IGSF9B: variants seen among roughly 807,000 people sequenced by gnomAD.
IGSF9B encodes protein turtle homolog B.
IGSF9B carries 48 observed loss-of-function variants against 143.7 expected under a neutral mutation model. That is an observed-to-expected ratio of 0.33 (90% CI 0.26 to 0.42). The LOEUF is 0.42. Among genes scored for constraint, IGSF9B ranks in the 20% least tolerant of loss-of-function variants. IGSF9B has a pLI of 1.00. For missense variants in IGSF9B, 1,706 were observed against 1,980.0 expected (o/e 0.86, Z 2.63); for synonymous variants, 903 against 833.1 (o/e 1.08, Z -1.44).
At chr11:133,922,412 A>AC (rs1473528680) in intron 16 of IGSF9B, among the ~76,000 whole-genome samples, 157 bp downstream of exon 16, 1 of 151,986 alleles carries the variant, frequency 6.6e-6, no homozygotes, top group Non-Finnish European at 1.5e-5. Context: ...CCTGCTTCTT[A>AC]CCCCCACTTT....
chr11:133,931,959 C>A lies in IGSF9B; in HGVS notation c.1110+112G>T. Reference sequence around the variant, plus strand: ...CTACAGAAGCAGCTCTCTGTTTGCCCAGGGCTTTTGGAAGGGGCCAGGAGT... The same window carrying A: ...CTACAGAAGCAGCTCTCTGTTTGCCAAGGGCTTTTGGAAGGGGCCAGGAGT... On this transcript the variant is annotated intron_variant, in intron 8 of 19. Coordinates refer to ENST00000533871, the MANE Select transcript of IGSF9B (RefSeq NM_001277285.4). This position sits in a 1 kb window ranked among gnomAD's most constrained non-coding sequence, Gnocchi z 7.7. 1 of 1,504,184 alleles carries A rather than the reference C, an allele frequency of 6.6e-7. No individual in the cohort carries two copies. The highest frequency in any genetic ancestry group is 8.9e-7 in the Non-Finnish European group (1 of 1,119,900). 93.2% of individuals were successfully genotyped at this position (1,504,184 alleles called of 1,614,324 possible).
In IGSF9B at chr11:133,920,126, C is replaced by T; in HGVS notation, c.3599G>A (p.Arg1200Gln). The stretch of plus-strand genomic sequence containing the variant: ...GGGGCTTTGGGTCAGAGGTGAGAGC[C>T]GGGAGGGCTGTAGCACCACTTGATG... ...SLHQVVLQPSRLSPLTQSPLS... is the reference protein window; with the variant it reads ...SLHQVVLQPSQLSPLTQSPLS... The change falls in exon 18 of 20, where the codon CGG (arginine) becomes CAG (glutamine). Residue 1200 changes from arginine to glutamine, a missense_variant. Transcript: ENST00000533871. The T allele has an allele frequency of 6.6e-7, 1 of 1,510,712 alleles. No individual in the cohort carries two copies. Among genetic ancestry groups the T allele is most frequent in the Non-Finnish European group, 8.9e-7 (1 of 1,129,186 alleles). The allele number at this position is 1,510,712 out of a possible 1,614,324, so 93.6% of individuals were successfully genotyped here. A position where few individuals can be genotyped will look rare whatever the true frequency, so the allele number is the denominator to read the frequency against.
intron 18 of IGSF9B, among the ~76,000 whole-genome samples, chr11:133,915,785 C>T (rs1010631986): frequency 1.3e-5 from 2 of 152,230 alleles, no homozygotes; most frequent in African/African-American, 4.8e-5. Context: ...CAGGCTGAAG[C>T]AGTGGCTTGA....
In IGSF9B at chr11:133,906,173, G is replaced by A. The variant is rs1939208186; in HGVS notation, c.*2896C>T. Among the ~76,000 whole-genome samples the A allele has an allele frequency of 6.6e-6, 1 of 152,218 alleles. No homozygotes were observed. On this transcript the variant is annotated 3_prime_UTR_variant, in exon 20 of 20. Coordinates refer to ENST00000533871, the MANE Select transcript of IGSF9B (RefSeq NM_001277285.4). The stretch of plus-strand genomic sequence containing the variant: ...TCAGTAGTCACTGCCATTGTTCAAA[G>A]GCAGACTATGAAGGACACTGGTCCC...
rs1346596537 is a variant in IGSF9B at position 133,909,629 on chromosome 11, C to T, written c.4106-352G>A. Among the ~76,000 whole-genome samples, 1 of 152,192 alleles carries T rather than the reference C, an allele frequency of 6.6e-6. No individual in the cohort carries two copies. The highest frequency in any genetic ancestry group is 1.5e-5 in the Non-Finnish European group (1 of 68,040). ...GGACTGGGGATCAGGAAGGAACAGG[C>T]TGGGACTCAGGACATCTTTCTCATC... On this transcript the variant is annotated intron_variant, in intron 19 of 19. Coordinates refer to ENST00000533871, the MANE Select transcript of IGSF9B (RefSeq NM_001277285.4). This position sits in a 1 kb window ranked among gnomAD's most constrained non-coding sequence, Gnocchi z 4.2.
chr11:133,952,472 G>A lies in IGSF9B; in HGVS notation c.64+4219C>T, dbSNP rs551799099. On this transcript the variant is annotated intron_variant, in intron 1 of 19. Coordinates refer to ENST00000533871, the MANE Select transcript of IGSF9B (RefSeq NM_001277285.4). ...CTCTCTGCTCTCAGGGCTGCAGCAC[G>A]GAGAGGAGTGGCCCCCACCTCGTGT... Among the ~76,000 whole-genome samples the A allele has an allele frequency of 1.4e-4, 21 of 152,292 alleles. No individual in the cohort carries two copies. The South Asian group carries it at 1.5e-3, about 11-fold the overall frequency.
Position 133,903,059 on chromosome 11 carries a change from C to T in IGSF9B, c.*6010G>A, listed in dbSNP as rs1052742366. On this transcript the variant is annotated 3_prime_UTR_variant, in exon 20 of 20. Coordinates refer to ENST00000533871, the MANE Select transcript of IGSF9B (RefSeq NM_001277285.4). ...CCTGCCCCTCCCACCACCTCCCCAT[C>T]GTAAACCACGCACATGTTCACGATC... Among the ~76,000 whole-genome samples the T allele has an allele frequency of 1.3e-5, 2 of 151,712 alleles. No individual in the cohort carries two copies. The highest frequency in any genetic ancestry group is 2.4e-5 in the African/African-American group (1 of 41,284).
At chr11:133,939,827 A>G (rs1341940275) in intron 3 of IGSF9B, among the ~76,000 whole-genome samples, 1 of 151,294 alleles carries the variant, frequency 6.6e-6, no homozygotes, top group African/African-American at 2.4e-5. Flanking sequence ...TACACCTTGC[A>G]TGTCCTCGCA....
intron 5 of IGSF9B, among the ~76,000 whole-genome samples, chr11:133,936,400 C>T (rs894623819): frequency 2.0e-5 from 3 of 152,146 alleles, no homozygotes; most frequent in Non-Finnish European, 4.4e-5. Context: ...CCAGACCAGC[C>T]GCCACGCACA....
intron 19 of IGSF9B, among the ~76,000 whole-genome samples, chr11:133,910,209 A>G (rs1939279294): frequency 6.6e-6 from 1 of 152,118 alleles, no homozygotes; most frequent in Non-Finnish European, 1.5e-5. Flanking sequence ...GTGTATGTGC[A>G]CACACGCCTG....
chr11:133,927,942 G>A (rs962195451), intron 12 of IGSF9B, among the ~76,000 whole-genome samples: 3 of 152,290 alleles, frequency 2.0e-5, no homozygotes, highest in Admixed American at 1.3e-4. Flanking sequence ...AAAAGAAGCC[G>A]GCGCCAAACG....
rs373895799 is a variant in IGSF9B, at chr11:133,921,288, G to T, written c.2437C>A (p.Arg813Ser). 6.2e-7 allele frequency: 1 copy of T among 1,610,820 alleles called. No homozygotes were observed. The highest frequency in any genetic ancestry group is 8.5e-7 in the Non-Finnish European group (1 of 1,178,678). Residue 813 changes from arginine (R) to serine (S), a missense_variant, in exon 18 of 20, where the codon CGT becomes AGT. Arg to Ser is a moderately radical substitution (Grantham distance 110, BLOSUM62 -1). Around this residue, in one of 7 missense-constraint regions of IGSF9B, gnomAD observed 135 missense variants for 181.3 expected, o/e 0.74. Coordinates refer to ENST00000533871, the MANE Select transcript of IGSF9B (RefSeq NM_001277285.4). Reference sequence around the variant, plus strand: ...TTGTACAGCGACAGCTCCTTCTCACGGGTGGGGCTCAGCATCCTCTTGGCC... The same window carrying T: ...TTGTACAGCGACAGCTCCTTCTCACTGGTGGGGCTCAGCATCCTCTTGGCC... ...PAAKRMLSPT[R>S]EKELSLYKKT... is the part of the protein sequence containing the mutation.
Position 133,920,021 on chromosome 11 carries a change from G to A in IGSF9B, c.3704C>T (p.Ser1235Leu), listed in dbSNP as rs1183817278. Residue 1235 changes from serine (S) to leucine (L), a missense_variant, in exon 18 of 20, where the codon TCA becomes TTA. By Grantham distance (145) the Ser-to-Leu change is moderately radical. Coordinates refer to ENST00000533871, the MANE Select transcript of IGSF9B (RefSeq NM_001277285.4). ...AGCCGGCGGCTGCAGGGTGATCTCT[G>A]ACATCTCTGCCTGCTGCAGGAGGCC... ...RPGLLQQAEM[S>L]EITLQPPAAV... The A allele has an allele frequency of 1.3e-6, 2 of 1,584,650 alleles. No homozygotes were observed. Among genetic ancestry groups the A allele is most frequent in the Non-Finnish European group, 1.7e-6 (2 of 1,165,492 alleles).
chr11:133,935,816 C>T, intron 6 of IGSF9B, 54 bp from the exon 7 acceptor site: 1 of 1,582,970 alleles, frequency 6.3e-7, no homozygotes, highest in East Asian at 2.2e-5. Context: ...GATCTTGCCG[C>T]AGACACACAG....
At chr11:133,930,252 G>A (rs114061181) in intron 11 of IGSF9B, among the ~76,000 whole-genome samples, 2,350 of 152,206 alleles carry the variant, frequency 0.015, 67 homozygotes, top group African/African-American at 0.052. Flanking sequence ...TTCGATTCCC[G>A]GACCCACTAC....
At chr11:133,934,567 C>T (rs984956889) in intron 7 of IGSF9B, among the ~76,000 whole-genome samples, 4 of 152,354 alleles carry the variant, frequency 2.6e-5, no homozygotes, top group South Asian at 2.1e-4. Context: ...TGACGGCAGA[C>T]GCAGAGAGGC....
rs916645212 is a variant in IGSF9B at position 133,907,430 on chromosome 11, G to A, written c.*1639C>T. Among the ~76,000 whole-genome samples, 1 of 152,184 alleles carries A rather than the reference G, an allele frequency of 6.6e-6. No individual in the cohort carries two copies. The highest frequency in any genetic ancestry group is 2.1e-4 in the South Asian group (1 of 4,828). ...CGTCCAAGCAGGGAACTCGGGAGAG[G>A]TGGGTGCCCCCAAACCCACCAAGAC... On this transcript the variant is annotated 3_prime_UTR_variant, in exon 20 of 20. Transcript: ENST00000533871.
rs375569334 is a variant in IGSF9B, at chr11:133,956,826, G to T, written c.-72C>A. 1 of 993,392 alleles carries T rather than the reference G, an allele frequency of 1.0e-6. No individual in the cohort carries two copies. Among genetic ancestry groups the T allele is most frequent in the South Asian group, 3.4e-5 (1 of 29,744 alleles). 61.5% of individuals were successfully genotyped at this position (993,392 alleles called of 1,614,324 possible). A position where few individuals can be genotyped will look rare whatever the true frequency, so the allele number is the denominator to read the frequency against. On this transcript the variant is annotated 5_prime_UTR_variant, in exon 1 of 20. Transcript: ENST00000533871. Reference sequence around the variant, plus strand: ...CCGCGCCCGCACGCGCCTCGCGCCCGAGCGCCCGCCTCGCGCCCGCCTCGC... The same window carrying T: ...CCGCGCCCGCACGCGCCTCGCGCCCTAGCGCCCGCCTCGCGCCCGCCTCGC...
intron 11 of IGSF9B, 41 bp downstream of exon 11, chr11:133,930,943 C>T: frequency 1.3e-6 from 2 of 1,561,298 alleles, no homozygotes. Flanking sequence ...AGCCAGCCTG[C>T]TCTGTCCCCG....
Sources: allele counts gnomAD v4.1 joint callset (sites outside exome capture counted in the v4.1 genomes callset), GRCh38; gene constraint gnomAD v4.1.1; regional missense constraint gnomAD v4.1.1; non-coding constraint Gnocchi (gnomAD v3.1); transcripts MANE v1.5; gene names NCBI Gene and HGNC (gene_info 2026-07-23, HGNC 2026-07-21).